Variants in HMGB1 observed in about 807,000 individuals in gnomAD.
The protein encoded by HMGB1 is high mobility group box 1.
For synonymous variants in HMGB1, 81 were observed against 84.0 expected (o/e 0.96, Z 0.19); for missense variants, 79 against 253.5 (o/e 0.31, Z 4.67).
intron 1 of HMGB1, among the ~76,000 whole-genome samples, chr13:30,584,578 A>G (rs1020538379): frequency 6.6e-6 from 1 of 152,226 alleles, no homozygotes; most frequent in Non-Finnish European, 1.5e-5. Context: ...CATACCAAGT[A>G]CTTAATAAAA....
At chr13:30,468,056 T>G (rs1886840065), upstream of HMGB1, among the ~76,000 whole-genome samples, 1 of 152,226 alleles carries the variant, frequency 6.6e-6, no homozygotes, top group Non-Finnish European at 1.5e-5. Flanking sequence ...TAAACCTCCA[T>G]GCTTCAATTC....
intron 1 of HMGB1, among the ~76,000 whole-genome samples, chr13:30,584,820 T>G (rs1174647105): frequency 6.6e-6 from 1 of 152,198 alleles, no homozygotes; most frequent in African/African-American, 2.4e-5. Flanking sequence ...TATTTATCAC[T>G]AGACAGAATG....
intron 1 of HMGB1, among the ~76,000 whole-genome samples, chr13:30,576,859 C>T (rs1250933292): frequency 6.6e-6 from 1 of 152,142 alleles, no homozygotes; most frequent in Admixed American, 6.5e-5. Context: ...CGATTACCAA[C>T]TTGTGCTGAT....
chr13:30,527,335 C>T (rs1171515084), intron 1 of HMGB1, among the ~76,000 whole-genome samples: 1 of 152,124 alleles, frequency 6.6e-6, no homozygotes, highest in Non-Finnish European at 1.5e-5. Flanking sequence ...AGGAACCTCT[C>T]GGGATGGTGG....
intron 1 of HMGB1, among the ~76,000 whole-genome samples, chr13:30,564,906 A>G (rs1870125732): frequency 6.6e-6 from 1 of 152,234 alleles, no homozygotes; most frequent in African/African-American, 2.4e-5. Context: ...ATGAGTTGAT[A>G]ATGTGTAACA....
chr13:30,575,280 C>T (rs141318545), intron 1 of HMGB1, among the ~76,000 whole-genome samples: 202 of 152,226 alleles, frequency 1.3e-3, no homozygotes, highest in African/African-American at 4.6e-3. Context: ...AAATACAGCT[C>T]GAAGTCAGCT....
intron 1 of HMGB1, among the ~76,000 whole-genome samples, chr13:30,515,262 A>G (rs572841893): frequency 4.6e-5 from 7 of 152,334 alleles, no homozygotes; most frequent in African/African-American, 1.4e-4. Context: ...GATTCTGCCA[A>G]CAGAACCTGA....
At chr13:30,475,132 CTCTCTCTTT>C (rs1887056587) in intron 1 of HMGB1, among the ~76,000 whole-genome samples, 2 of 47,688 alleles carry the variant, frequency 4.2e-5, no homozygotes, top group Non-Finnish European at 8.1e-5. Context: ...CTCTCTCTCT[CTCTCTCTTT>C]TTTTTTTTTT....
At chr13:30,607,608 T>G (rs60002372) in intron 1 of HMGB1, among the ~76,000 whole-genome samples, 2,867 of 152,280 alleles carry the variant, frequency 0.019, 93 homozygotes, top group African/African-American at 0.065. Flanking sequence ...GAAAATAGAC[T>G]AATACAATCA....
At chr13:30,465,162 G>A in intron 1 of HMGB1, 1 of 961,134 alleles carries the variant, frequency 1.0e-6, no homozygotes, top group Non-Finnish European at 1.2e-6. Flanking sequence ...ATGTTCCAGC[G>A]AGCGCAGCGG....
At chr13:30,568,785 G>C (rs912016671) in intron 1 of HMGB1, among the ~76,000 whole-genome samples, 2 of 152,144 alleles carry the variant, frequency 1.3e-5, no homozygotes, top group Non-Finnish European at 2.9e-5. Flanking sequence ...TGGCCTCCAG[G>C]ACTGTGAAGA....
upstream of HMGB1, among the ~76,000 whole-genome samples, chr13:30,466,970 G>C (rs1230373700): frequency 6.6e-6 from 1 of 152,236 alleles, no homozygotes. Flanking sequence ...TACAGGAGTT[G>C]TAGGTATATG....
intron 1 of HMGB1, among the ~76,000 whole-genome samples, chr13:30,585,970 G>A (rs906974507): frequency 2.0e-5 from 3 of 152,098 alleles, no homozygotes; most frequent in Non-Finnish European, 4.4e-5. Flanking sequence ...ATCTGGCATC[G>A]GTTCTCAGTA....
At chr13:30,615,842 A>G (rs1426727226) in intron 1 of HMGB1, among the ~76,000 whole-genome samples, 1 of 152,218 alleles carries the variant, frequency 6.6e-6, no homozygotes, top group Non-Finnish European at 1.5e-5. Context: ...GCACTGAACT[A>G]CTGCAGCTGT....
At chr13:30,566,872 C>T (rs1337994002) in intron 1 of HMGB1, among the ~76,000 whole-genome samples, 5 of 152,122 alleles carry the variant, frequency 3.3e-5, no homozygotes, top group Admixed American at 2.0e-4. Flanking sequence ...TTAAACATCA[C>T]CTAAATAGAA....
chr13:30,504,038 G>T (rs953015573), intron 1 of HMGB1, among the ~76,000 whole-genome samples: 1 of 151,284 alleles, frequency 6.6e-6, no homozygotes, highest in African/African-American at 2.4e-5. Context: ...TTTTTTAAGG[G>T]GAGTCAAGAA....
intron 1 of HMGB1, among the ~76,000 whole-genome samples, chr13:30,561,368 T>G (rs1433869855): frequency 6.6e-6 from 1 of 151,790 alleles, no homozygotes; most frequent in Non-Finnish European, 1.5e-5. Context: ...TAGGAGAAGT[T>G]CCCCAGGAAC....
At chr13:30,599,864 C>T (rs1463721418) in intron 1 of HMGB1, among the ~76,000 whole-genome samples, 1 of 152,146 alleles carries the variant, frequency 6.6e-6, no homozygotes, top group Non-Finnish European at 1.5e-5. Flanking sequence ...CACAATTCAG[C>T]CCGTAACAGG....
intron 1 of HMGB1, among the ~76,000 whole-genome samples, chr13:30,588,959 G>A (rs1871265889): frequency 6.6e-6 from 1 of 151,274 alleles, no homozygotes; most frequent in Non-Finnish European, 1.5e-5. Context: ...ATTGTTTTCT[G>A]ATGATATATA....
Sources: gnomAD v4.1 joint callset for allele counts (sites outside exome capture counted in the v4.1 genomes callset) on GRCh38, gnomAD v4.1.1 for gene constraint, MANE v1.5 for transcripts, NCBI Gene and HGNC (gene_info 2026-07-23, HGNC 2026-07-21) for gene names.